The following GBE1 variants were observed in gnomAD, a reference collection of about 807,000 sequenced individuals.
GBE1 encodes 1,4-alpha-glucan branching enzyme 1, also known as 1,4-alpha-glucan-branching enzyme.
Under a neutral mutation model 88.8 loss-of-function variants are expected in GBE1, and 70 were observed. That is an observed-to-expected ratio of 0.79 (90% CI 0.65 to 0.96). GBE1 has a LOEUF of 0.96. Ranked by LOEUF, GBE1 falls within the 40% of genes least tolerant of loss-of-function variation. The probability of loss-of-function intolerance (pLI) is 0.00; values close to 1 mark genes in which losing one functional copy is unlikely to be tolerated. For missense variants in GBE1, 872 were observed against 871.0 expected (o/e 1.00, Z -0.01); for synonymous variants, 284 against 300.1 (o/e 0.95, Z 0.56).
intron 15 of GBE1, among the ~76,000 whole-genome samples, chr3:81,493,171 A>T (rs938947349): frequency 2.6e-5 from 4 of 152,206 alleles, no homozygotes; most frequent in African/African-American, 9.7e-5. Flanking sequence ...TAAACATTTC[A>T]GTAGAACCAG....
intron 12 of GBE1, among the ~76,000 whole-genome samples, chr3:81,544,272 T>C (rs1042354408): frequency 1.3e-5 from 2 of 152,146 alleles, no homozygotes; most frequent in African/African-American, 4.8e-5. Context: ...AAACTAACTG[T>C]AGCGCACAGA....
At chr3:81,508,843 A>C (rs1215726724) in intron 14 of GBE1, among the ~76,000 whole-genome samples, 1 of 152,116 alleles carries the variant, frequency 6.6e-6, no homozygotes, top group Non-Finnish European at 1.5e-5. Flanking sequence ...TTCTAATTCC[A>C]GTCCTACCAA....
In GBE1 at chr3:81,728,951, T is replaced by C. The variant is rs1008207997; in HGVS notation, c.144-23338A>G. Among the ~76,000 whole-genome samples the C allele has an allele frequency of 7.2e-5, 11 of 151,822 alleles. 1 individual carries two copies. In the South Asian group the frequency reaches 2.3e-3, roughly 32 times the overall value. ...CTCTCTGACTCAAGAAGCTGGTATG[T>C]GGGGACTGCATTAGAGTATCCATGC... On this transcript the variant is annotated intron_variant, in intron 1 of 15. Transcript: ENST00000429644.
At chr3:81,756,139 C>T (rs1241275169) in intron 1 of GBE1, among the ~76,000 whole-genome samples, 7 of 152,154 alleles carry the variant, frequency 4.6e-5, no homozygotes, top group Non-Finnish European at 1.0e-4. Flanking sequence ...ACATCAGATT[C>T]TCTCAAACTG....
intron 3 of GBE1, among the ~76,000 whole-genome samples, chr3:81,650,849 G>GT (rs1374743519): frequency 2.0e-5 from 3 of 151,824 alleles, no homozygotes; most frequent in Admixed American, 6.6e-5. Context: ...GGGGTCTGGG[G>GT]TTTTTTTGTA....
At chr3:81,491,177 G>A (rs563070548) in intron 15 of GBE1, among the ~76,000 whole-genome samples, 63 of 152,238 alleles carry the variant, frequency 4.1e-4, no homozygotes, top group Middle Eastern at 3.4e-3. Context: ...TTGCCTTGCT[G>A]GTTCCTTATC....
At chr3:81,582,441 CCT>C (rs1377720179) in intron 10 of GBE1, among the ~76,000 whole-genome samples, 1 of 152,000 alleles carries the variant, frequency 6.6e-6, no homozygotes, top group Non-Finnish European at 1.5e-5. Context: ...GAAATGCAGC[CCT>C]GTTTACACTT....
At chr3:81,760,673 A>T (rs1020819335) in intron 1 of GBE1, among the ~76,000 whole-genome samples, 1 of 152,234 alleles carries the variant, frequency 6.6e-6, no homozygotes, top group African/African-American at 2.4e-5. Flanking sequence ...TATGGTACAC[A>T]ATGGTAGAAG....
At chr3:81,703,360 G>C (rs1705727117) in intron 2 of GBE1, among the ~76,000 whole-genome samples, 1 of 151,828 alleles carries the variant, frequency 6.6e-6, no homozygotes, top group Non-Finnish European at 1.5e-5. Flanking sequence ...TTTTACAAAA[G>C]TGTCCATGAA....
At chr3:81,547,095 T>A (rs62265418) in intron 12 of GBE1, among the ~76,000 whole-genome samples, 3 of 151,078 alleles carry the variant, frequency 2.0e-5, no homozygotes, top group African/African-American at 7.3e-5. Flanking sequence ...CATGTACCAA[T>A]TGGCGAACTT....
intron 1 of GBE1, among the ~76,000 whole-genome samples, chr3:81,737,101 G>C (rs1217115935): frequency 1.3e-5 from 2 of 151,334 alleles, no homozygotes; most frequent in Non-Finnish European, 2.9e-5. Flanking sequence ...AGGTGAGGAG[G>C]AGAAAGAGAT....
chr3:81,584,684 T>A (rs886974821), intron 10 of GBE1, among the ~76,000 whole-genome samples: 72 of 151,688 alleles, frequency 4.7e-4, no homozygotes, highest in African/African-American at 1.7e-3. Flanking sequence ...TTATCATGTA[T>A]AATAAGTAAG....
intron 7 of GBE1, among the ~76,000 whole-genome samples, chr3:81,611,004 T>TAA (rs34262810): frequency 2.1e-4 from 31 of 147,022 alleles, no homozygotes; most frequent in South Asian, 1.5e-3. Context: ...ACTGGGGCTT[T>TAA]AAAAAAAAAA....
chr3:81,557,415 C>T (rs1304987956), intron 12 of GBE1, among the ~76,000 whole-genome samples: 1 of 151,014 alleles, frequency 6.6e-6, no homozygotes, highest in Non-Finnish European at 1.5e-5. Context: ...AAAATGACTC[C>T]CAGATTTCAA....
intron 2 of GBE1, among the ~76,000 whole-genome samples, chr3:81,673,210 T>C (rs919828360): frequency 2.0e-5 from 3 of 152,052 alleles, no homozygotes; most frequent in African/African-American, 4.8e-5. Context: ...GAACACTATA[T>C]GATTCCTGCA....
chr3:81,537,122 CA>C, intron 12 of GBE1, 27 bp from the exon 13 acceptor site: 1 of 1,327,474 alleles, frequency 7.5e-7, no homozygotes, highest in Non-Finnish European at 1.0e-6. Context: ...ATGCAAATAT[CA>C]GCCTATTAAT....
At chr3:81,621,316 C>A (rs1704330011) in intron 7 of GBE1, among the ~76,000 whole-genome samples, 1 of 152,024 alleles carries the variant, frequency 6.6e-6, no homozygotes, top group Non-Finnish European at 1.5e-5. Flanking sequence ...ATAGATTCGA[C>A]CTAGAAAATT....
chr3:81,749,593 GACAC>G (rs1462503240), intron 1 of GBE1, among the ~76,000 whole-genome samples: 4 of 152,172 alleles, frequency 2.6e-5, no homozygotes. Context: ...TAGAAGTGTA[GACAC>G]ACACAAATAA....
chr3:81,536,180 T>C, intron 13 of GBE1, among the ~76,000 whole-genome samples: 1 of 151,814 alleles, frequency 6.6e-6, no homozygotes, highest in East Asian at 1.9e-4. Flanking sequence ...GAACAAATCT[T>C]ACTGAATATA....
Sources: gnomAD v4.1 joint callset for allele counts (sites outside exome capture counted in the v4.1 genomes callset) on GRCh38, gnomAD v4.1.1 for gene constraint, MANE v1.5 for transcripts, NCBI Gene and HGNC (gene_info 2026-07-23, HGNC 2026-07-21) for gene names.